Variants in NT5DC2 observed in about 807,000 individuals in gnomAD.
NT5DC2 encodes 5'-nucleotidase domain-containing protein 2.
A neutral mutation model predicts 70.0 loss-of-function variants in NT5DC2; 41 were observed. The observed-to-expected ratio is 0.59, with a 90% CI of 0.46 to 0.76. The LOEUF (loss-of-function observed/expected upper bound fraction) is 0.76. NT5DC2 is among the 30% of genes least tolerant of loss of function. NT5DC2 has a pLI of 0.00. For missense variants in NT5DC2, 705 were observed against 783.2 expected, an observed-to-expected ratio of 0.90 and a Z score of 1.19; for synonymous variants, 299 against 310.4, an observed-to-expected ratio of 0.96 and a Z score of 0.39.
upstream of NT5DC2, chr3:52,534,614 A>G: frequency 6.2e-7 from 1 of 1,613,824 alleles, no homozygotes; most frequent in South Asian, 1.1e-5. Flanking sequence ...CTTTCCAACA[A>G]AATTCCTCTT....
chr3:52,533,036 C>G (rs1178530975), intron 1 of NT5DC2, among the ~76,000 whole-genome samples: 2 of 152,210 alleles, frequency 1.3e-5, no homozygotes, highest in Non-Finnish European at 2.9e-5. Flanking sequence ...AGGGCGACAT[C>G]GAGGTGTGTC....
rs537554315 is a variant in NT5DC2, at chr3:52,528,505, C to T, written c.583G>A (p.Glu195Lys). Residue 195 changes from glutamate to lysine, a missense_variant, in exon 5 of 14, where the codon GAG becomes AAG. Physicochemically the swap from Glu to Lys is moderately conservative, Grantham distance 56 (BLOSUM62 1). Coordinates refer to ENST00000422318, the MANE Select transcript of NT5DC2 (RefSeq NM_001134231.2). Reference sequence around the variant, plus strand: ...ATGTGCTGGGTACCCCCATACAGCTCAATCACCTCCTCGTCTGGCACAGGC... The same window carrying T: ...ATGTGCTGGGTACCCCCATACAGCTTAATCACCTCCTCGTCTGGCACAGGC... Reference protein sequence around the residue: ...LQPVPDEEVIELYGGTQHIPL... With the variant: ...LQPVPDEEVIKLYGGTQHIPL... 1 of 1,612,734 alleles carries T rather than the reference C, an allele frequency of 6.2e-7. No homozygotes were observed. Among genetic ancestry groups the T allele is most frequent in the East Asian group, 2.2e-5 (1 of 44,820 alleles).
chr3:52,529,358 G>A lies in NT5DC2; in HGVS notation c.233-24C>T. 2 of 1,608,142 alleles carry A rather than the reference G, an allele frequency of 1.2e-6. No homozygotes were observed. Among genetic ancestry groups the A allele is most frequent in the Non-Finnish European group, 1.7e-6 (2 of 1,176,540 alleles). On this transcript the variant is annotated intron_variant, in intron 1 of 13. Coordinates refer to ENST00000422318, the MANE Select transcript of NT5DC2 (RefSeq NM_001134231.2). The surrounding 1 kb of genome is among the most constrained non-coding windows in gnomAD (Gnocchi z 4.1). ...GTCTAGAGGAAGGAGATGCAGGGAG[G>A]CAGTGATGGGGATGATGATCCCTGC...
In NT5DC2 at chr3:52,528,915, C is replaced by A; in HGVS notation, c.438G>T (p.Lys146Asn). The change falls in exon 3 of 14, where the codon AAG (lysine) becomes AAT (asparagine). Residue 146 changes from lysine to asparagine, a missense_variant. Physicochemically the swap from Lys to Asn is moderately conservative, Grantham distance 94. Coordinates refer to ENST00000422318, the MANE Select transcript of NT5DC2 (RefSeq NM_001134231.2). ...TGGCAAAGCTGGGGTTGTAGTCATA[C>A]TTCCGAATCCCTTCTGGGTACTGCC... Reference protein sequence around the residue: ...EHYKYPEGIRKYDYNPSFAIR... With the variant: ...EHYKYPEGIRNYDYNPSFAIR... The A allele has an allele frequency of 6.2e-7, 1 of 1,614,078 alleles. No individual in the cohort carries two copies. Among genetic ancestry groups the A allele is most frequent in the South Asian group, 1.1e-5 (1 of 91,088 alleles).
In NT5DC2 at chr3:52,529,658, C is replaced by A. The variant is rs908307113; in HGVS notation, c.233-324G>T. On this transcript the variant is annotated intron_variant, in intron 1 of 13. Transcript: ENST00000422318. The surrounding 1 kb of genome is among the most constrained non-coding windows in gnomAD (Gnocchi z 4.1). Reference sequence around the variant, plus strand: ...CCTCACCACTAAGCCCCATCAGACACAAGGCCATGCTAGAACCCTGGCAGC... The same window carrying A: ...CCTCACCACTAAGCCCCATCAGACAAAAGGCCATGCTAGAACCCTGGCAGC... 6.6e-6 allele frequency among the ~76,000 whole-genome samples: 1 copy of A among 152,162 alleles called. No homozygotes were observed. The highest frequency in any genetic ancestry group is 1.9e-4 in the East Asian group (1 of 5,198).
rs868553212 is a variant in NT5DC2 at position 52,528,277 on chromosome 3, G to A, written c.677C>T (p.Ser226Leu). The change falls in exon 6 of 14, where the codon TCG (serine) becomes TTG (leucine). Residue 226 changes from serine (S) to leucine (L), a missense_variant. Physicochemically the swap from Ser to Leu is moderately radical, Grantham distance 145. Coordinates refer to ENST00000422318, the MANE Select transcript of NT5DC2 (RefSeq NM_001134231.2). ...GGACAGCAGAGCCATCTCCGGTAGCGAGAAGATGTCCATGAACTGCTTAAT... is the reference window on the plus strand; with the variant it reads ...GGACAGCAGAGCCATCTCCGGTAGCAAGAAGATGTCCATGAACTGCTTAAT... ...PSIKQFMDIF[S>L]LPEMALLSCV... The A allele has an allele frequency of 4.3e-6, 7 of 1,613,270 alleles. No homozygotes were observed. Among genetic ancestry groups the A allele is most frequent in the Admixed American group, 3.3e-5 (2 of 60,004 alleles).
intron 1 of NT5DC2, chr3:52,532,102 C>CATT: frequency 1.7e-5 from 14 of 848,130 alleles, no homozygotes; most frequent in Non-Finnish European, 2.0e-5. Context: ...AGCCCGTGGG[C>CATT]ATTAGCCCAA....
rs775391305 is a variant in NT5DC2 at position 52,525,163 on chromosome 3, G to T, written c.1206+46C>A. 18 of 975,670 alleles carry T rather than the reference G, an allele frequency of 1.8e-5. 2 individuals carry two copies. Among genetic ancestry groups the T allele is most frequent in the Middle Eastern group, 6.0e-4 (2 of 3,310 alleles). The allele number at this position is 975,670 out of a possible 1,614,324, so 60.4% of individuals were successfully genotyped here. A position where few individuals can be genotyped will look rare whatever the true frequency, so the allele number is the denominator to read the frequency against. On this transcript the variant is annotated intron_variant, in intron 11 of 13. Transcript: ENST00000422318. ...CAGTTGCTGGGGGCGGGGGGGGGGG[G>T]GTTTCCTGGCCCTCCCCCACTGCAG... is the stretch of plus-strand genomic sequence containing the variant.
intron 8 of NT5DC2, 29 bp downstream of exon 8, chr3:52,527,800 G>C (rs1410416020): frequency 6.2e-7 from 1 of 1,612,268 alleles, no homozygotes. Flanking sequence ...TGGCCCTGCT[G>C]TCCCTCCATC....
At chr3:52,527,782 C>G in intron 8 of NT5DC2, 47 bp downstream of exon 8, 1 of 1,612,156 alleles carries the variant, frequency 6.2e-7, no homozygotes, top group Non-Finnish European at 8.5e-7. Flanking sequence ...CCTCCCCACC[C>G]AGAGCCCTGG....
rs1211041326 is a variant in NT5DC2, at chr3:52,533,047, T to C, written c.232+459A>G. 2.0e-5 allele frequency among the ~76,000 whole-genome samples: 3 copies of C among 152,312 alleles called. No homozygotes were observed. In the South Asian group the frequency reaches 6.2e-4, roughly 32 times the overall value. On this transcript the variant is annotated intron_variant, in intron 1 of 13. Transcript: ENST00000422318. ...CTCCAGGGCGACATCGAGGTGTGTC[T>C]GGGAAGTCCAACCGGTGTCCCCTTT...
intron 12 of NT5DC2, 28 bp downstream of exon 12, chr3:52,524,935 G>A (rs1313694599): frequency 1.2e-6 from 2 of 1,612,436 alleles, no homozygotes; most frequent in Non-Finnish European, 1.7e-6. Context: ...TACCGCCCTG[G>A]CCCTCCCACA....
At chr3:52,527,402 T>A in intron 9 of NT5DC2, 27 bp from the exon 10 acceptor site, 1 of 1,611,942 alleles carries the variant, frequency 6.2e-7, no homozygotes, top group South Asian at 1.1e-5. Context: ...GGGCATGACT[T>A]CCAGTCTGTG....
intron 1 of NT5DC2, among the ~76,000 whole-genome samples, chr3:52,530,693 C>T (rs1406800389): frequency 1.3e-5 from 2 of 152,014 alleles, no homozygotes; most frequent in Non-Finnish European, 1.5e-5. Context: ...TCTGTGAAAA[C>T]ATTTTTAAAA....
rs2153234396 is a variant in NT5DC2 at position 52,524,829 on chromosome 3, C to T, written c.1400G>A (p.Arg467Gln). The T allele has an allele frequency of 7.4e-6, 12 of 1,612,648 alleles. No homozygotes were observed. The highest frequency in any genetic ancestry group is 1.3e-5 in the African/African-American group (1 of 75,022). Residue 467 changes from arginine to glutamine, a missense_variant, in exon 13 of 14, where the codon CGG (arginine) becomes CAG (glutamine). Arg to Gln is a conservative substitution (Grantham distance 43, BLOSUM62 1). Coordinates refer to ENST00000422318, the MANE Select transcript of NT5DC2 (RefSeq NM_001134231.2). ...RQVLAAWMKE[R>Q]QELRCITKAL... is the part of the protein sequence containing the mutation. ...CCCACCTGCTCACCTCAGCTCCTGCCGCTCTTTCATCCAGGCAGCCAGCAC... is the reference window on the plus strand; with the variant it reads ...CCCACCTGCTCACCTCAGCTCCTGCTGCTCTTTCATCCAGGCAGCCAGCAC...
chr3:52,534,157 C>T (rs2079400157), upstream of NT5DC2: 1 of 305,374 alleles, frequency 3.3e-6, no homozygotes, highest in Admixed American at 5.1e-5. Context: ...GGGTACCCCC[C>T]GGGCCCCCGG....
At chr3:52,530,249 G>C (rs530850966) in intron 1 of NT5DC2, among the ~76,000 whole-genome samples, 10 of 152,342 alleles carry the variant, frequency 6.6e-5, no homozygotes, top group Admixed American at 5.2e-4. Context: ...CCAAGTCCCT[G>C]GCTGCTCCCA....
chr3:52,529,353 G>A lies in NT5DC2; in HGVS notation c.233-19C>T, dbSNP rs774596323. On this transcript the variant is annotated intron_variant, in intron 1 of 13. Coordinates refer to ENST00000422318, the MANE Select transcript of NT5DC2 (RefSeq NM_001134231.2). The surrounding 1 kb of genome is among the most constrained non-coding windows in gnomAD (Gnocchi z 4.1). ...AGGAGGTCTAGAGGAAGGAGATGCA[G>A]GGAGGCAGTGATGGGGATGATGATC... 7 of 1,610,828 alleles carry A rather than the reference G, an allele frequency of 4.3e-6. No homozygotes were observed. In the Admixed American group the frequency reaches 1.2e-4, roughly 27 times the overall value.
At position 52,531,570 on chromosome 3, in the gene NT5DC2, G is replaced by A. The variant is rs1418237786; in HGVS notation, c.232+1936C>T. Among the ~76,000 whole-genome samples the A allele has an allele frequency of 6.6e-6, 1 of 151,856 alleles. No individual in the cohort carries two copies. Among genetic ancestry groups the A allele is most frequent in the Admixed American group, 6.6e-5 (1 of 15,260 alleles). ...AGTCCTCCCAGGAACAAAGCAGGAT[G>A]TGGAAACAGCCACAGGGCCTGGTGG... is the stretch of plus-strand genomic sequence containing the variant. On this transcript the variant is annotated intron_variant, in intron 1 of 13. Coordinates refer to ENST00000422318, the MANE Select transcript of NT5DC2 (RefSeq NM_001134231.2). The surrounding 1 kb of genome is among the most constrained non-coding windows in gnomAD (Gnocchi z 4.1).
Sources: allele counts gnomAD v4.1 joint callset (sites outside exome capture counted in the v4.1 genomes callset), GRCh38; gene constraint gnomAD v4.1.1; non-coding constraint Gnocchi (gnomAD v3.1); transcripts MANE v1.5; gene names NCBI Gene and HGNC (gene_info 2026-07-23, HGNC 2026-07-21).